ZNF208: variants seen among roughly 807,000 people sequenced by gnomAD.
The protein encoded by ZNF208 is zinc finger protein 95.
A neutral mutation model predicts 12.1 loss-of-function variants in ZNF208; 10 were observed. That is an observed-to-expected ratio of 0.83 (90% CI 0.51 to 1.40). The LOEUF (loss-of-function observed/expected upper bound fraction) is 1.40, where lower values mean the gene tolerates loss of function less well. Ranked by LOEUF, ZNF208 falls within the 40% of genes most tolerant of loss-of-function variation. The probability of loss-of-function intolerance (pLI) is 0.00; values close to 1 mark genes in which losing one functional copy is unlikely to be tolerated. For synonymous variants in ZNF208, 497 were observed against 488.4 expected, an observed-to-expected ratio of 1.02 and a Z score of -0.23; for missense variants, 1,652 against 1,485.0, an observed-to-expected ratio of 1.11 and a Z score of -1.85.
intron 1 of ZNF208, among the ~76,000 whole-genome samples, chr19:22,005,442 C>A (rs148625181): frequency 1.1e-3 from 167 of 152,268 alleles, no homozygotes; most frequent in Non-Finnish European, 1.7e-3. Context: ...TCATTCCAGG[C>A]CAGGAGTCTG....
At position 21,973,584 on chromosome 19, in the gene ZNF208, C is replaced by G. The variant is rs1970355690; in HGVS notation, c.1450G>C (p.Glu484Gln). 6.2e-7 allele frequency: 1 copy of G among 1,610,784 alleles called. No homozygotes were observed. The highest frequency in any genetic ancestry group is 2.2e-5 in the East Asian group (1 of 44,586). The change falls in exon 4 of 4, where the codon GAA becomes CAA. Residue 484 changes from glutamate to glutamine, a missense_variant. Coordinates refer to ENST00000397126, the MANE Select transcript of ZNF208 (RefSeq NM_007153.3). Reference protein sequence around the residue: ...IHNGEKPYKCEECDKATHAGE... With the variant: ...IHNGEKPYKCQECDKATHAGE... ...GCATGAGTTGCCTTATCACATTCTT[C>G]ACATTTGTAGGGTTTCTCTCCATTA...
intron 3 of ZNF208, among the ~76,000 whole-genome samples, chr19:21,980,229 A>T (rs1970510937): frequency 6.6e-6 from 1 of 152,204 alleles, no homozygotes; most frequent in African/African-American, 2.4e-5. Flanking sequence ...AAGCAAACCA[A>T]ATAGACATCT....
At position 21,973,039 on chromosome 19, in the gene ZNF208, G is replaced by A; in HGVS notation, c.1995C>T (p.Tyr665=). The A allele has an allele frequency of 1.2e-6, 2 of 1,613,534 alleles. No homozygotes were observed. Among genetic ancestry groups the A allele is most frequent in the Non-Finnish European group, 1.7e-6 (2 of 1,179,806 alleles). ...AGGCTTTGCCACATTCTTTACATTT[G>A]TAGGGCTTCTCTCCAGCATGAATTG... ...HKAIHAGEKP[Y]KCKECGKAFS... Residue 665 remains tyrosine, a synonymous_variant, in exon 4 of 4, where the codon TAC becomes TAT. Transcript: ENST00000397126.
At chr19:21,958,195 A>G (rs1374275094) in intron 4 of ZNF208, among the ~76,000 whole-genome samples, 3 of 152,010 alleles carry the variant, frequency 2.0e-5, no homozygotes, top group Non-Finnish European at 4.4e-5. Flanking sequence ...AAACTAAAAG[A>G]AAGTAATTGT....
intron 1 of ZNF208, among the ~76,000 whole-genome samples, chr19:22,000,481 G>A (rs1970925216): frequency 6.6e-6 from 1 of 152,188 alleles, no homozygotes; most frequent in South Asian, 2.1e-4. Flanking sequence ...ATGAAATTAA[G>A]GCAGAAACCA....
At chr19:21,955,913 CT>C (rs568237474) in intron 4 of ZNF208, among the ~76,000 whole-genome samples, 195 of 152,308 alleles carry the variant, frequency 1.3e-3, no homozygotes, top group African/African-American at 4.2e-3. Context: ...AAGAGGCACT[CT>C]GATTTTTAGA....
At chr19:21,962,128 C>T (rs10408274), downstream of ZNF208, among the ~76,000 whole-genome samples, 83,021 of 151,960 alleles carry the variant, frequency 0.55, 22,990 homozygotes, top group East Asian at 0.69. Flanking sequence ...TTTAGGGAAG[C>T]GATAAATGTC....
intron 3 of ZNF208, among the ~76,000 whole-genome samples, chr19:21,982,902 A>G (rs1014450989): frequency 6.6e-6 from 1 of 152,256 alleles, no homozygotes; most frequent in African/African-American, 2.4e-5. Context: ...ACTGCAAACC[A>G]TAAAAACCGT....
At chr19:21,991,961 A>T (rs545267494) in intron 1 of ZNF208, among the ~76,000 whole-genome samples, 2 of 150,436 alleles carry the variant, frequency 1.3e-5, no homozygotes, top group Middle Eastern at 3.4e-3. Flanking sequence ...AGTATGCCAA[A>T]GTTTTTGGCC....
intron 1 of ZNF208, among the ~76,000 whole-genome samples, chr19:21,995,398 C>T (rs867569637): frequency 6.6e-6 from 1 of 152,124 alleles, no homozygotes; most frequent in Non-Finnish European, 1.5e-5. Context: ...TCTTGTATAA[C>T]GGGTGAAACA....
intron 1 of ZNF208, among the ~76,000 whole-genome samples, chr19:22,000,114 G>T (rs1429592843): frequency 2.0e-5 from 3 of 152,084 alleles, no homozygotes; most frequent in Non-Finnish European, 2.9e-5. Context: ...AGTAATAATC[G>T]GAGACTACAT....
chr19:21,985,937 C>G (rs1016969509), intron 3 of ZNF208, among the ~76,000 whole-genome samples: 4 of 152,154 alleles, frequency 2.6e-5, no homozygotes, highest in Non-Finnish European at 4.4e-5. Flanking sequence ...TGAGCAAAGT[C>G]CTGAGGGATA....
At chr19:22,001,625 C>A (rs886474750) in intron 1 of ZNF208, among the ~76,000 whole-genome samples, 22 of 152,032 alleles carry the variant, frequency 1.4e-4, no homozygotes, top group African/African-American at 5.3e-4. Context: ...CCTGGTGGCT[C>A]ATGCCTGTAA....
chr19:21,959,869 AAT>A (rs1014200961), intron 4 of ZNF208, among the ~76,000 whole-genome samples: 3 of 152,146 alleles, frequency 2.0e-5, no homozygotes, highest in African/African-American at 4.8e-5. Flanking sequence ...AGAAACTAAA[AAT>A]ATGTTTAGTT....
chr19:21,949,061 C>A (rs10403454), intron 4 of ZNF208, among the ~76,000 whole-genome samples: 4,666 of 152,236 alleles, frequency 0.031, 169 homozygotes, highest in African/African-American at 0.086. Context: ...TAAAAATCCC[C>A]TGGCCTTTTT....
intron 4 of ZNF208, among the ~76,000 whole-genome samples, chr19:21,943,329 A>G (rs1969771459): frequency 6.6e-6 from 1 of 152,204 alleles, no homozygotes; most frequent in African/African-American, 2.4e-5. Flanking sequence ...TAAACAAAAA[A>G]ATACACTGAA....
intron 1 of ZNF208, among the ~76,000 whole-genome samples, chr19:22,009,772 C>T (rs1206033891): frequency 6.8e-6 from 1 of 147,132 alleles, no homozygotes; most frequent in African/African-American, 2.5e-5. Context: ...AAATCTAATT[C>T]AAATGCATTT....
chr19:21,990,493 T>C (rs1386616963), intron 1 of ZNF208, among the ~76,000 whole-genome samples: 2 of 151,964 alleles, frequency 1.3e-5, no homozygotes. Flanking sequence ...TTGGTTACTG[T>C]AGCCTTGTAG....
intron 3 of ZNF208, among the ~76,000 whole-genome samples, chr19:21,975,968 T>C (rs1386358674): frequency 6.7e-6 from 1 of 150,172 alleles, no homozygotes; most frequent in Non-Finnish European, 1.5e-5. Flanking sequence ...ATGTCTTCCA[T>C]AAGAAAGATG....
Sources: allele counts gnomAD v4.1 joint callset (sites outside exome capture counted in the v4.1 genomes callset), GRCh38; gene constraint gnomAD v4.1.1; transcripts MANE v1.5; gene names NCBI Gene and HGNC (gene_info 2026-07-23, HGNC 2026-07-21).